FAM167A: variants seen among roughly 807,000 people sequenced by gnomAD.
The protein encoded by FAM167A is protein FAM167A.
Under a neutral mutation model 14.9 loss-of-function variants are expected in FAM167A, and 23 were observed. That is an observed-to-expected ratio of 1.55 (90% CI 1.11 to 2.19). The LOEUF (loss-of-function observed/expected upper bound fraction) is 2.19. FAM167A is among the 30% of genes most tolerant of loss of function. The probability of loss-of-function intolerance (pLI) is 0.00; values close to 1 mark genes in which losing one functional copy is unlikely to be tolerated. For synonymous variants in FAM167A, 174 were observed against 117.7 expected, an observed-to-expected ratio of 1.48 and a Z score of -3.10; for missense variants, 401 against 281.5, an observed-to-expected ratio of 1.42 and a Z score of -3.04.
intron 1 of FAM167A, among the ~76,000 whole-genome samples, chr8:11,452,949 G>A (rs1158706386): frequency 6.6e-6 from 1 of 152,164 alleles, no homozygotes; most frequent in African/African-American, 2.4e-5. Context: ...CTGGTTCCCA[G>A]AACACAGATC....
At position 11,422,062 on chromosome 8, in the gene FAM167A, G is replaced by A. The variant is rs1316111855; in HGVS notation, c.*2311C>T. 2 of 375,180 alleles carry A rather than the reference G, an allele frequency of 5.3e-6. No homozygotes were observed. The allele number at this position is 375,180 out of a possible 1,614,324, so 23.2% of individuals were successfully genotyped here. On this transcript the variant is annotated 3_prime_UTR_variant, in exon 3 of 3. Transcript: ENST00000284486. ...CTCTTAGGATAAACCGAGCAAAATA[G>A]CTCAGACATTTAACTTATCCCCAAA... is the stretch of plus-strand genomic sequence containing the variant.
chr8:11,459,998 G>C (rs147203225), intron 1 of FAM167A, among the ~76,000 whole-genome samples: 150 of 152,314 alleles, frequency 9.8e-4, no homozygotes, highest in African/African-American at 3.4e-3. Flanking sequence ...AAAGTGCTGC[G>C]ATTACAGGCG....
intron 1 of FAM167A, chr8:11,445,707 C>A: frequency 1.3e-6 from 1 of 760,998 alleles, no homozygotes; most frequent in South Asian, 5.9e-5. Flanking sequence ...AGACCGCAGC[C>A]TCCAGACTCT....
At chr8:11,429,947 T>C (rs908271232) in intron 2 of FAM167A, among the ~76,000 whole-genome samples, 1 of 152,116 alleles carries the variant, frequency 6.6e-6, no homozygotes, top group African/African-American at 2.4e-5. Context: ...CAAATCAAAG[T>C]AAGAGGTGCA....
chr8:11,464,855 C>G (rs1230637516), intron 1 of FAM167A, among the ~76,000 whole-genome samples: 2 of 152,160 alleles, frequency 1.3e-5, no homozygotes, highest in Non-Finnish European at 1.5e-5. Context: ...CTCTGTGGCT[C>G]TCTCTCAGCA....
intron 2 of FAM167A, among the ~76,000 whole-genome samples, chr8:11,428,540 A>G (rs1805346003): frequency 6.6e-6 from 1 of 152,234 alleles, no homozygotes; most frequent in Non-Finnish European, 1.5e-5. Context: ...CTGAGAGAAC[A>G]TGAGGAGGGG....
chr8:11,426,414 ACCTC>A (rs1805150932), intron 2 of FAM167A, among the ~76,000 whole-genome samples: 12 of 151,962 alleles, frequency 7.9e-5, no homozygotes, highest in Admixed American at 7.9e-4. Context: ...CTCAGAATAA[ACCTC>A]TTTAAGTATT....
intron 1 of FAM167A, among the ~76,000 whole-genome samples, chr8:11,466,040 G>A (rs181242748): frequency 6.6e-6 from 1 of 152,054 alleles, no homozygotes; most frequent in Admixed American, 6.5e-5. Context: ...TCTGTGCTCC[G>A]GTGTCTCGGT....
chr8:11,433,198 G>T (rs956382533), intron 2 of FAM167A, among the ~76,000 whole-genome samples: 1 of 148,194 alleles, frequency 6.7e-6, no homozygotes, highest in African/African-American at 2.5e-5. Flanking sequence ...AGAACTTAAA[G>T]TATGATAAAA....
In FAM167A at chr8:11,444,870, C is replaced by T. The variant is rs896399046; in HGVS notation, c.-397-62G>A. The T allele has an allele frequency of 6.0e-5, 59 of 978,852 alleles. No individual in the cohort carries two copies. The African/African-American group carries it at 8.2e-4, about 14-fold the overall frequency. The allele number at this position is 978,852 out of a possible 1,614,324, so 60.6% of individuals were successfully genotyped here. ...CTGCCCTGCCACTCAGAGGCGGGCA[C>T]GTCCACTCCACAGGAGGGGAAACTG... On this transcript the variant is annotated intron_variant, in intron 1 of 2. Transcript: ENST00000284486.
At chr8:11,474,018 C>A (rs887628419) in intron 1 of FAM167A, among the ~76,000 whole-genome samples, 1 of 152,136 alleles carries the variant, frequency 6.6e-6, no homozygotes, top group Non-Finnish European at 1.5e-5. Flanking sequence ...GGATTACAGG[C>A]ATGCGCCACC....
chr8:11,433,715 C>G (rs528659924), intron 2 of FAM167A, among the ~76,000 whole-genome samples: 1 of 152,172 alleles, frequency 6.6e-6, no homozygotes, highest in Non-Finnish European at 1.5e-5. Context: ...TCTTATCTCT[C>G]CTATCCCAGC....
Position 11,444,756 on chromosome 8 carries a change from A to C in FAM167A, c.-345T>G. On this transcript the variant is annotated 5_prime_UTR_variant, in exon 2 of 3. Coordinates refer to ENST00000284486, the MANE Select transcript of FAM167A (RefSeq NM_053279.3). Reference sequence around the variant, plus strand: ...GAACGCACTCGAAGACCAGACTGGCAGGAAGAAGGCCCAGAGCTCTCTCTT... The same window carrying C: ...GAACGCACTCGAAGACCAGACTGGCCGGAAGAAGGCCCAGAGCTCTCTCTT... 1.9e-6 allele frequency: 2 copies of C among 1,038,892 alleles called. No individual in the cohort carries two copies. Among genetic ancestry groups the C allele is most frequent in the Non-Finnish European group, 2.3e-6 (2 of 864,760 alleles). The allele number at this position is 1,038,892 out of a possible 1,614,324, so 64.4% of individuals were successfully genotyped here. A position where few individuals can be genotyped will look rare whatever the true frequency, so the allele number is the denominator to read the frequency against.
chr8:11,440,261 C>T (rs1457737627), intron 2 of FAM167A, among the ~76,000 whole-genome samples: 1 of 152,210 alleles, frequency 6.6e-6, no homozygotes, highest in Non-Finnish European at 1.5e-5. Flanking sequence ...CCGGGGAGCC[C>T]AAGGTCAGGC....
intron 1 of FAM167A, among the ~76,000 whole-genome samples, chr8:11,465,388 C>T (rs1003514471): frequency 6.6e-6 from 1 of 152,186 alleles, no homozygotes; most frequent in South Asian, 2.1e-4. Context: ...CCAGGTCACT[C>T]AATTTCTTAG....
rs1402699426 is a variant in FAM167A, at chr8:11,444,782, C to T, written c.-371G>A. On this transcript the variant is annotated 5_prime_UTR_variant, in exon 2 of 3. Coordinates refer to ENST00000284486, the MANE Select transcript of FAM167A (RefSeq NM_053279.3). Reference sequence around the variant, plus strand: ...GGAAGAAGGCCCAGAGCTCTCTCTTCTCGGGAAGGGCAGGTGGCTGGAGAC... The same window carrying T: ...GGAAGAAGGCCCAGAGCTCTCTCTTTTCGGGAAGGGCAGGTGGCTGGAGAC... 17 of 1,011,314 alleles carry T rather than the reference C, an allele frequency of 1.7e-5. No individual in the cohort carries two copies. The highest frequency in any genetic ancestry group is 2.0e-5 in the Non-Finnish European group (17 of 846,986). The allele number at this position is 1,011,314 out of a possible 1,614,324, so 62.6% of individuals were successfully genotyped here.
At chr8:11,436,342 G>C (rs956445240) in intron 2 of FAM167A, among the ~76,000 whole-genome samples, 2 of 152,184 alleles carry the variant, frequency 1.3e-5, no homozygotes, top group Non-Finnish European at 2.9e-5. Flanking sequence ...AGAGCAAGTG[G>C]GGGCCCTCGT....
intron 2 of FAM167A, among the ~76,000 whole-genome samples, chr8:11,432,540 ATGG>A (rs1805683988): frequency 1.3e-5 from 2 of 152,238 alleles, no homozygotes; most frequent in Non-Finnish European, 2.9e-5. Context: ...ACCAGTTAGG[ATGG>A]TGATCATTAA....
chr8:11,430,931 G>T (rs185668839), intron 2 of FAM167A, among the ~76,000 whole-genome samples: 3 of 152,332 alleles, frequency 2.0e-5, no homozygotes, highest in Admixed American at 2.0e-4. Flanking sequence ...GGAGTCAGAA[G>T]AGCTGACTCC....
Sources: gnomAD v4.1 joint callset for allele counts (sites outside exome capture counted in the v4.1 genomes callset) on GRCh38, gnomAD v4.1.1 for gene constraint, MANE v1.5 for transcripts, NCBI Gene and HGNC (gene_info 2026-07-23, HGNC 2026-07-21) for gene names.